The following CEP290 variants were observed in gnomAD, a reference collection of about 807,000 sequenced individuals.
The protein encoded by CEP290 is centrosomal protein of 290 kDa.
Under a neutral mutation model 344.9 loss-of-function variants are expected in CEP290, and 317 were observed. The ratio of observed to expected loss-of-function variants is 0.92; its 90% confidence interval spans 0.84 to 1.01. CEP290 has a LOEUF of 1.01. Ranked by LOEUF, CEP290 falls within the 50% of genes least tolerant of loss-of-function variation. The pLI is 0.00. For synonymous variants in CEP290, 932 were observed against 895.8 expected, an observed-to-expected ratio of 1.04 and a Z score of -0.72; for missense variants, 2,754 against 2,761.4, an observed-to-expected ratio of 1.00 and a Z score of 0.06.
Position 88,136,695 on chromosome 12 carries a change from T to C in CEP290, c.389A>G (p.Glu130Gly). 1 of 1,613,720 alleles carries C rather than the reference T, an allele frequency of 6.2e-7. No individual in the cohort carries two copies. The highest frequency in any genetic ancestry group is 8.5e-7 in the Non-Finnish European group (1 of 1,179,748). Residue 130 changes from glutamate (E) to glycine (G), a missense_variant, in exon 6 of 54, where the codon GAA (glutamate) becomes GGA (glycine). By Grantham distance (98) the Glu-to-Gly change is moderately conservative. Coordinates refer to ENST00000552810, the MANE Select transcript of CEP290 (RefSeq NM_025114.4). The part of the protein sequence containing the change: ...LEKQLEQKDR[E>G]LEDMEKELEK... The stretch of plus-strand genomic sequence containing the variant: ...CAACTCCTTTTCCATGTCCTCCAAT[T>C]CTCTATCTTTTTGTTCTAATTGTTT...
intron 20 of CEP290, among the ~76,000 whole-genome samples, chr12:88,113,748 T>C (rs984083104): frequency 3.9e-5 from 6 of 151,970 alleles, no homozygotes; most frequent in African/African-American, 1.2e-4. Context: ...TAAATATATA[T>C]AGAATATTAG....
intron 49 of CEP290, 64 bp from the exon 50 acceptor site, chr12:88,055,781 A>G (rs2033954090): frequency 1.8e-5 from 20 of 1,142,354 alleles, no homozygotes; most frequent in Non-Finnish European, 2.4e-5. Flanking sequence ...TTTAAAAGTC[A>G]GTTCAAATAA....
chr12:88,121,496 T>A (rs1457144260), intron 13 of CEP290, among the ~76,000 whole-genome samples: 1 of 152,022 alleles, frequency 6.6e-6, no homozygotes, highest in African/African-American at 2.4e-5. Flanking sequence ...AAACTATGGA[T>A]TTTTAGCTTG....
At chr12:88,062,827 T>C (rs2034583527) in intron 45 of CEP290, 49 bp from the exon 46 acceptor site, 2 of 1,244,008 alleles carry the variant, frequency 1.6e-6, no homozygotes, top group East Asian at 5.0e-5. Context: ...GCTACAGCCA[T>C]TGAAAAGAAA....
intron 23 of CEP290, 86 bp from the exon 24 acceptor site, chr12:88,107,184 A>G: frequency 1.2e-6 from 1 of 837,062 alleles, no homozygotes; most frequent in East Asian, 2.9e-5. Context: ...ATGCAAATTT[A>G]AAGTTTTCTC....
At chr12:88,092,166 C>G (rs536063958) in intron 29 of CEP290, among the ~76,000 whole-genome samples, 60 of 152,212 alleles carry the variant, frequency 3.9e-4, no homozygotes, top group African/African-American at 1.4e-3. Flanking sequence ...AAAATATAAC[C>G]TCAAGGTTAA....
intron 25 of CEP290, among the ~76,000 whole-genome samples, chr12:88,105,525 G>C (rs1326964591): frequency 6.6e-6 from 1 of 152,142 alleles, no homozygotes; most frequent in African/African-American, 2.4e-5. Context: ...TTTTACAAAA[G>C]CATGTCTGTT....
chr12:88,077,082 C>T (rs2035832773), intron 41 of CEP290, 140 bp downstream of exon 41: 2 of 767,346 alleles, frequency 2.6e-6, no homozygotes, highest in Non-Finnish European at 3.9e-6. Context: ...TTCAATACTG[C>T]TTATAGTCCT....
At chr12:88,130,587 C>T (rs375575955) in intron 7 of CEP290, 22 bp from the exon 8 acceptor site, 39 of 1,541,792 alleles carry the variant, frequency 2.5e-5, no homozygotes, top group African/African-American at 1.3e-4. Flanking sequence ...GACAGGAAAA[C>T]GGTAATTAGA....
intron 25 of CEP290, chr12:88,103,574 A>C (rs1565871741): frequency 1.3e-5 from 2 of 152,248 alleles, no homozygotes; most frequent in South Asian, 4.1e-4. Flanking sequence ...CTCATCAACT[A>C]TAGAACTATT....
At chr12:88,136,842 T>C in intron 5 of CEP290, 56 bp from the exon 6 acceptor site, 2 of 1,468,064 alleles carry the variant, frequency 1.4e-6, no homozygotes, top group African/African-American at 1.4e-5. Flanking sequence ...GAGGTTCAAA[T>C]GAGTCAACAA....
Position 88,060,019 on chromosome 12 carries a change from G to T in CEP290, c.6524C>A (p.Ala2175Asp). Residue 2175 changes from alanine (A) to aspartate (D), a missense_variant and splice_region_variant, in exon 48 of 54, where the codon GCT becomes GAT. By Grantham distance (126) the Ala-to-Asp change is moderately radical (BLOSUM62 -2). Transcript: ENST00000552810. ...NIEQENEKLKAELEKLKAHLG... is the reference protein window; with the variant it reads ...NIEQENEKLKDELEKLKAHLG... ...ATGAGCTTTAAGTTTTTCTAATTCA[G>T]CCTAGTAAAAAAACAAACAAAATAA... 2 of 1,538,700 alleles carry T rather than the reference G, an allele frequency of 1.3e-6. No individual in the cohort carries two copies. Among genetic ancestry groups the T allele is most frequent in the East Asian group, 2.4e-5 (1 of 42,312 alleles).
At chr12:88,080,476 C>G in intron 37 of CEP290, 81 bp from the exon 38 acceptor site, 1 of 1,028,630 alleles carries the variant, frequency 9.7e-7, no homozygotes, top group Non-Finnish European at 1.4e-6. Context: ...GTCACCCAGG[C>G]TGGAGTGCAG....
intron 46 of CEP290, among the ~76,000 whole-genome samples, chr12:88,062,309 A>T (rs2034539825): frequency 6.6e-6 from 1 of 152,132 alleles, no homozygotes; most frequent in Non-Finnish European, 1.5e-5. Flanking sequence ...ACAAAAAAAG[A>T]GGGGGAGGAA....
At position 88,083,864 on chromosome 12, in the gene CEP290, A is replaced by G. The variant is rs372850927; in HGVS notation, c.4795T>C (p.Phe1599Leu). The G allele has an allele frequency of 2.5e-6, 4 of 1,582,210 alleles. No individual in the cohort carries two copies. In the African/African-American group the frequency reaches 5.4e-5, roughly 21 times the overall value. Residue 1599 changes from phenylalanine (F) to leucine (L), a missense_variant, in exon 36 of 54, where the codon TTC becomes CTC. Transcript: ENST00000552810. ...AATCTTACCCAAGCCGTTTGTTTGAATTTATTTAGTGAACTATCAGCCTGT... is the reference window on the plus strand; with the variant it reads ...AATCTTACCCAAGCCGTTTGTTTGAGTTTATTTAGTGAACTATCAGCCTGT... ...ELQADSSLNK[F>L]KQTAWDLMKQ...
intron 37 of CEP290, among the ~76,000 whole-genome samples, chr12:88,081,372 CTA>C (rs563253043): frequency 7.2e-5 from 11 of 152,206 alleles, no homozygotes; most frequent in African/African-American, 2.2e-4. Context: ...ATATCTATAA[CTA>C]TATATATGGA....
At chr12:88,119,003 G>T (rs973796998) in intron 15 of CEP290, among the ~76,000 whole-genome samples, 1 of 152,142 alleles carries the variant, frequency 6.6e-6, no homozygotes, top group African/African-American at 2.4e-5. Context: ...CAGAAAATAT[G>T]ATGTCTATGA....
At chr12:88,136,292 T>C (rs1460806262) in intron 6 of CEP290, 1 of 222,800 alleles carries the variant, frequency 4.5e-6, no homozygotes, top group Non-Finnish European at 8.9e-6. Flanking sequence ...AATATAACTT[T>C]TACCCAAAAT....
In CEP290 at chr12:88,071,933, C is replaced by A. The variant is rs763283367; in HGVS notation, c.5710-7G>T. 1 of 1,572,238 alleles carries A rather than the reference C, an allele frequency of 6.4e-7. No individual in the cohort carries two copies. The highest frequency in any genetic ancestry group is 1.2e-5 in the South Asian group (1 of 81,766). On this transcript the variant is annotated splice_polypyrimidine_tract_variant and splice_region_variant and intron_variant, in intron 41 of 53. Coordinates refer to ENST00000552810, the MANE Select transcript of CEP290 (RefSeq NM_025114.4). ...TTAATTCTTCTTTAGCATTCTGTAA[C>A]AATAACGAAGGAGGTAGGAAAATTA...
Sources: allele counts gnomAD v4.1 joint callset (sites outside exome capture counted in the v4.1 genomes callset), GRCh38; gene constraint gnomAD v4.1.1; transcripts MANE v1.5; gene names NCBI Gene and HGNC (gene_info 2026-07-23, HGNC 2026-07-21).